KLF12: variants seen among roughly 807,000 people sequenced by gnomAD.
The protein encoded by KLF12 is KLF transcription factor 12, also known as Krueppel-like factor 12.
KLF12 carries 9 observed loss-of-function variants against 37.8 expected under a neutral mutation model. That is an observed-to-expected ratio of 0.24 (90% CI 0.14 to 0.42). KLF12 has a LOEUF of 0.42. KLF12 is among the 10% of genes least tolerant of loss of function. KLF12 has a pLI of 1.00. For missense variants in KLF12, 411 were observed against 516.0 expected, an observed-to-expected ratio of 0.80 and a Z score of 1.97; for synonymous variants, 208 against 202.1, an observed-to-expected ratio of 1.03 and a Z score of -0.25.
chr13:74,156,826 G>A, the KLF12 span, among the ~76,000 whole-genome samples: 1 of 152,050 alleles, frequency 6.6e-6, no homozygotes, highest in Non-Finnish European at 1.5e-5. Context: ...CAATATGACT[G>A]AATAGTATTC....
chr13:73,743,542 T>C (rs920653048), intron 6 of KLF12, among the ~76,000 whole-genome samples: 9 of 152,264 alleles, frequency 5.9e-5, no homozygotes, highest in African/African-American at 2.2e-4. Context: ...TACTAGAAAT[T>C]AAGGCAGGGT....
the KLF12 span, among the ~76,000 whole-genome samples, chr13:74,165,632 G>A: frequency 6.6e-6 from 1 of 152,142 alleles, no homozygotes; most frequent in Non-Finnish European, 1.5e-5. Context: ...TTCCGTGGTT[G>A]CAAGATAACT....
chr13:74,278,319 C>T, the KLF12 span, among the ~76,000 whole-genome samples: 1 of 152,162 alleles, frequency 6.6e-6, no homozygotes, highest in Admixed American at 6.5e-5. Flanking sequence ...TGTAAGATGA[C>T]CAGAAACAAC....
intron 2 of KLF12, among the ~76,000 whole-genome samples, chr13:73,973,497 A>G (rs1165766593): frequency 1.3e-5 from 2 of 152,198 alleles, no homozygotes; most frequent in Non-Finnish European, 2.9e-5. Context: ...GCCCTTTTCC[A>G]GAATAAGTCC....
intron 1 of KLF12, among the ~76,000 whole-genome samples, chr13:74,003,730 A>T (rs916317980): frequency 6.6e-6 from 1 of 152,212 alleles, no homozygotes; most frequent in Admixed American, 6.5e-5. Flanking sequence ...ATATGCTTAC[A>T]GATGGTGTTT....
the KLF12 span, among the ~76,000 whole-genome samples, chr13:74,212,823 T>C: frequency 6.6e-6 from 1 of 152,106 alleles, no homozygotes; most frequent in Non-Finnish European, 1.5e-5. Context: ...GAAAAATACA[T>C]GGAGGTAATT....
the KLF12 span, among the ~76,000 whole-genome samples, chr13:74,144,007 GT>G: frequency 2.6e-5 from 4 of 152,150 alleles, no homozygotes; most frequent in Admixed American, 2.6e-4. Flanking sequence ...ATACTACATT[GT>G]TGTTGTTACA....
intron 1 of KLF12, among the ~76,000 whole-genome samples, chr13:74,113,476 T>C (rs1877100897): frequency 6.6e-6 from 1 of 152,202 alleles, no homozygotes; most frequent in African/African-American, 2.4e-5. Flanking sequence ...TCTGAAAAAT[T>C]ATGCTAAATC....
At chr13:73,954,239 A>T (rs1392520082) in intron 2 of KLF12, among the ~76,000 whole-genome samples, 1 of 151,880 alleles carries the variant, frequency 6.6e-6, no homozygotes, top group Non-Finnish European at 1.5e-5. Flanking sequence ...GGGCCTCCCA[A>T]AGTGCTGGGA....
At chr13:73,927,648 C>T (rs1889459163) in intron 3 of KLF12, among the ~76,000 whole-genome samples, 1 of 152,000 alleles carries the variant, frequency 6.6e-6, no homozygotes, top group African/African-American at 2.4e-5. Context: ...GCGATCTCGG[C>T]TCACTGCAAC....
chr13:73,995,852 T>A (rs1055235347), intron 1 of KLF12, among the ~76,000 whole-genome samples: 1 of 152,212 alleles, frequency 6.6e-6, no homozygotes, highest in Non-Finnish European at 1.5e-5. Context: ...AATTTCCATT[T>A]CATGAGGCAA....
intron 2 of KLF12, among the ~76,000 whole-genome samples, chr13:73,991,156 G>A (rs1268316928): frequency 6.6e-6 from 1 of 151,988 alleles, no homozygotes; most frequent in African/African-American, 2.4e-5. Flanking sequence ...AATTCAAGAC[G>A]ATATTTTAAT....
At chr13:74,188,416 C>T in the KLF12 span, among the ~76,000 whole-genome samples, 11 of 152,124 alleles carry the variant, frequency 7.2e-5, no homozygotes, top group East Asian at 3.9e-4. Flanking sequence ...CAAATTCGAT[C>T]GTCAAATTTG....
upstream of KLF12, among the ~76,000 whole-genome samples, chr13:74,137,188 C>G (rs1269648214): frequency 2.0e-5 from 3 of 152,214 alleles, no homozygotes; most frequent in African/African-American, 4.8e-5. Context: ...CCTTTTTCCT[C>G]TCTACCTCTG....
chr13:74,292,171 T>C, the KLF12 span, among the ~76,000 whole-genome samples: 1 of 152,180 alleles, frequency 6.6e-6, no homozygotes, highest in Non-Finnish European at 1.5e-5. Context: ...ACCAACAAAG[T>C]GCATGTGAAT....
At chr13:73,903,867 C>T (rs940163656) in intron 3 of KLF12, among the ~76,000 whole-genome samples, 1 of 152,170 alleles carries the variant, frequency 6.6e-6, no homozygotes, top group Non-Finnish European at 1.5e-5. Flanking sequence ...TGTGAGGGAT[C>T]TAGGTTGCAT....
rs144293903 is a variant in KLF12 at position 73,898,443 on chromosome 13, T to G, written c.123+45538A>C. ...GAAGACAGAGATAACCACTTCCTATTTAATGACAGTCATAAATATCTAGGG... is the reference window on the plus strand; with the variant it reads ...GAAGACAGAGATAACCACTTCCTATGTAATGACAGTCATAAATATCTAGGG... On this transcript the variant is annotated intron_variant, in intron 3 of 7. Coordinates refer to ENST00000377669, the MANE Select transcript of KLF12 (RefSeq NM_007249.5). Among the ~76,000 whole-genome samples, 349 of 152,326 alleles carry G rather than the reference T, an allele frequency of 2.3e-3. 1 individual carries two copies. Among genetic ancestry groups the G allele is most frequent in the African/African-American group, 7.9e-3 (330 of 41,566 alleles).
At chr13:73,955,057 T>C (rs1890789989) in intron 2 of KLF12, among the ~76,000 whole-genome samples, 3 of 152,202 alleles carry the variant, frequency 2.0e-5, no homozygotes, top group Non-Finnish European at 4.4e-5. Flanking sequence ...CTGGTTTCAG[T>C]TTTCTTATCT....
the KLF12 span, among the ~76,000 whole-genome samples, chr13:74,235,460 T>C: frequency 6.6e-6 from 1 of 152,228 alleles, no homozygotes; most frequent in Non-Finnish European, 1.5e-5. Context: ...AGTGATTGAA[T>C]ATCTCAATTT....
Sources: gnomAD v4.1 joint callset for allele counts (sites outside exome capture counted in the v4.1 genomes callset) on GRCh38, gnomAD v4.1.1 for gene constraint, MANE v1.5 for transcripts, NCBI Gene and HGNC (gene_info 2026-07-23, HGNC 2026-07-21) for gene names.